Variants in MASP1 observed in about 807,000 individuals in gnomAD.
MASP1 encodes mannan-binding lectin serine protease 1.
MASP1 carries 59 observed loss-of-function variants against 77.1 expected under a neutral mutation model. The observed-to-expected ratio is 0.77, with a 90% CI of 0.62 to 0.95. The LOEUF is 0.95. Among genes scored for constraint, MASP1 ranks in the 40% least tolerant of loss-of-function variants. The pLI is 0.00. For missense variants in MASP1, 885 were observed against 912.9 expected (o/e 0.97, Z 0.39); for synonymous variants, 362 against 354.5 (o/e 1.02, Z -0.24).
At position 187,262,623 on chromosome 3, in the gene MASP1, G is replaced by A. The variant is rs916160194; in HGVS notation, c.335C>T (p.Ser112Phe). 2 of 1,613,972 alleles carry A rather than the reference G, an allele frequency of 1.2e-6. No homozygotes were observed. Among genetic ancestry groups the A allele is most frequent in the Non-Finnish European group, 1.7e-6 (2 of 1,180,010 alleles). Residue 112 changes from serine to phenylalanine, a missense_variant, in exon 3 of 11, where the codon TCC becomes TTC. Ser to Phe is a radical substitution (Grantham distance 155). Coordinates refer to ENST00000296280, the MANE Select transcript of MASP1 (RefSeq NM_139125.4). The stretch of plus-strand genomic sequence containing the variant: ...TGACCGGAAAGTGATGGACATGAAG[G>A]AGCCAGGGGAGAGGACCACCTCCTG... ...PGQEVVLSPGSFMSITFRSDF... is the reference protein window; with the variant it reads ...PGQEVVLSPGFFMSITFRSDF...
chr3:187,258,992 G>A (rs1270221051), intron 4 of MASP1, among the ~76,000 whole-genome samples: 1 of 152,148 alleles, frequency 6.6e-6, no homozygotes, highest in Non-Finnish European at 1.5e-5. Context: ...TCTTTTAACA[G>A]CTCCCTATAT....
chr3:187,271,786 G>A lies in MASP1; in HGVS notation c.238-9066C>T, dbSNP rs555011605. ...GCACACAGGAAGGGCAACTTAACTA[G>A]CCTGGAAGTGCAGGGTCATTCATCT... is the stretch of plus-strand genomic sequence containing the variant. On this transcript the variant is annotated intron_variant, in intron 2 of 10. Coordinates refer to ENST00000296280, the MANE Select transcript of MASP1 (RefSeq NM_139125.4). Among the ~76,000 whole-genome samples, 4 of 152,242 alleles carry A rather than the reference G, an allele frequency of 2.6e-5. No homozygotes were observed. In the South Asian group the frequency reaches 8.3e-4, roughly 32 times the overall value.
exon 16 of MASP1, chr3:187,219,669 G>C: frequency 3.7e-6 from 1 of 271,358 alleles, no homozygotes; most frequent in South Asian, 4.3e-5. Flanking sequence ...TCGACCTTCT[G>C]CTAAGGTGCA....
intron 13 of MASP1, chr3:187,225,222 A>C (rs1250773273): frequency 1.1e-5 from 15 of 1,333,758 alleles, no homozygotes; most frequent in Non-Finnish European, 1.6e-5. Context: ...TCAAGCAGAC[A>C]CTGTCAGCTG....
At chr3:187,280,456 T>C (rs902266110) in intron 2 of MASP1, among the ~76,000 whole-genome samples, 3 of 152,226 alleles carry the variant, frequency 2.0e-5, no homozygotes, top group African/African-American at 7.2e-5. Context: ...GAACGTGTAA[T>C]CTGCTGTTCT....
At chr3:187,269,127 G>A (rs1488150849) in intron 2 of MASP1, among the ~76,000 whole-genome samples, 1 of 151,820 alleles carries the variant, frequency 6.6e-6, no homozygotes, top group Non-Finnish European at 1.5e-5. Flanking sequence ...CAAATCAATG[G>A]TGTGACTGTA....
At chr3:187,249,273 G>A (rs541031092) in intron 8 of MASP1, among the ~76,000 whole-genome samples, 146 of 152,162 alleles carry the variant, frequency 9.6e-4, no homozygotes, top group African/African-American at 3.3e-3. Flanking sequence ...GGCCAGGCTG[G>A]TCTCGGACTC....
chr3:187,233,011 C>G (rs114467456), downstream of MASP1, among the ~76,000 whole-genome samples: 1 of 152,108 alleles, frequency 6.6e-6, no homozygotes, highest in Non-Finnish European at 1.5e-5. Flanking sequence ...TAGGCCAAGC[C>G]CTGCTGTATG....
At chr3:187,249,649 G>A (rs180883223) in intron 8 of MASP1, among the ~76,000 whole-genome samples, 1 of 152,268 alleles carries the variant, frequency 6.6e-6, no homozygotes, top group East Asian at 1.9e-4. Context: ...AAAATATAAA[G>A]CTAGTCCAAA....
chr3:187,288,553 G>A (rs1032418956), intron 1 of MASP1, among the ~76,000 whole-genome samples: 2 of 152,232 alleles, frequency 1.3e-5, no homozygotes, highest in African/African-American at 2.4e-5. Flanking sequence ...TCAGCGTAAA[G>A]GAGGATGGGG....
chr3:187,262,493 C>G (rs1281047446), intron 3 of MASP1, 50 bp downstream of exon 3: 1 of 1,591,144 alleles, frequency 6.3e-7, no homozygotes, highest in Non-Finnish European at 8.6e-7. Context: ...CAGTTTTCAT[C>G]TTCGGAGAGA....
At chr3:187,269,155 C>T (rs1716313164) in intron 2 of MASP1, among the ~76,000 whole-genome samples, 1 of 151,836 alleles carries the variant, frequency 6.6e-6, no homozygotes, top group African/African-American at 2.4e-5. Flanking sequence ...TTTGTTAAGA[C>T]CTAGAAGATT....
chr3:187,224,538 G>A (rs1008482675), intron 13 of MASP1, among the ~76,000 whole-genome samples: 25 of 151,678 alleles, frequency 1.6e-4, no homozygotes, highest in African/African-American at 4.4e-4. Context: ...AGTAGAGACG[G>A]GGTTTCACCG....
downstream of MASP1, among the ~76,000 whole-genome samples, chr3:187,231,176 A>G (rs966385262): frequency 2.0e-5 from 3 of 152,200 alleles, no homozygotes; most frequent in African/African-American, 4.8e-5. Context: ...TCTTCTTCCT[A>G]TAAACTTTAT....
At chr3:187,261,302 C>T (rs547592821) in intron 3 of MASP1, among the ~76,000 whole-genome samples, 1 of 152,188 alleles carries the variant, frequency 6.6e-6, no homozygotes, top group Non-Finnish European at 1.5e-5. Context: ...GTGGCAGACC[C>T]AGGATTTAAA....
intron 1 of MASP1, among the ~76,000 whole-genome samples, chr3:187,286,659 G>A (rs1454628619): frequency 6.6e-6 from 1 of 152,198 alleles, no homozygotes; most frequent in East Asian, 1.9e-4. Context: ...AGTTGCAAAA[G>A]AGACAAGGAA....
intron 1 of MASP1, among the ~76,000 whole-genome samples, chr3:187,287,243 A>G (rs573929874): frequency 4.6e-5 from 7 of 151,976 alleles, no homozygotes; most frequent in South Asian, 4.1e-4. Flanking sequence ...TTCCCACCTC[A>G]TCTCAGTAGC....
At chr3:187,266,843 GACAGCTACTCTATGGAAGA>G (rs1579551740) in intron 2 of MASP1, among the ~76,000 whole-genome samples, 1 of 152,156 alleles carries the variant, frequency 6.6e-6, no homozygotes, top group Non-Finnish European at 1.5e-5. Context: ...TCTGTGGAAG[GACAGCTACTCTATGGAAGA>G]ACAGCTACTC....
intron 5 of MASP1, 119 bp downstream of exon 5, chr3:187,256,545 G>A (rs1054577951): frequency 4.6e-5 from 41 of 894,936 alleles, no homozygotes; most frequent in Middle Eastern, 3.2e-4. Flanking sequence ...CCTTTTTGAG[G>A]AACTAGCTGC....
Sources: allele counts gnomAD v4.1 joint callset (sites outside exome capture counted in the v4.1 genomes callset), GRCh38; gene constraint gnomAD v4.1.1; transcripts MANE v1.5; gene names NCBI Gene and HGNC (gene_info 2026-07-23, HGNC 2026-07-21).